Variants in LIPK observed in about 807,000 individuals in gnomAD.
The protein encoded by LIPK is lipase family member K, also known as lipase member K.
In LIPK, 32 loss-of-function variants were observed where a neutral mutation model predicts 48.6. That is an observed-to-expected ratio of 0.66 (90% CI 0.50 to 0.88). The LOEUF is 0.88. LIPK is among the 40% of genes least tolerant of loss of function. LIPK has a pLI of 0.00. For missense variants in LIPK, 507 were observed against 478.5 expected, an observed-to-expected ratio of 1.06 and a Z score of -0.56; for synonymous variants, 164 against 157.4, an observed-to-expected ratio of 1.04 and a Z score of -0.32.
intron 1 of LIPK, among the ~76,000 whole-genome samples, chr10:88,713,827 G>C (rs1021513590): frequency 1.3e-5 from 2 of 151,920 alleles, no homozygotes; most frequent in Non-Finnish European, 2.9e-5. Context: ...TGTAATCCCA[G>C]CTACTTGCAG....
At chr10:88,745,808 T>G (rs1160763710) in intron 9 of LIPK, among the ~76,000 whole-genome samples, 3 of 152,226 alleles carry the variant, frequency 2.0e-5, no homozygotes, top group African/African-American at 7.2e-5. Context: ...ACAGGCTAAA[T>G]GCCTCACTTA....
At chr10:88,746,400 A>T (rs1034213687) in intron 9 of LIPK, among the ~76,000 whole-genome samples, 7 of 86,268 alleles carry the variant, frequency 8.1e-5, no homozygotes, top group Non-Finnish European at 4.8e-5. Context: ...TCAACAAATT[A>T]AAAAAAAACT....
chr10:88,730,016 A>G (rs767406550), intron 3 of LIPK, among the ~76,000 whole-genome samples: 4 of 152,096 alleles, frequency 2.6e-5, no homozygotes, highest in Non-Finnish European at 5.9e-5. Context: ...GGATTTTTGT[A>G]TCATATTAAC....
At chr10:88,746,343 T>G (rs1234487695) in intron 9 of LIPK, among the ~76,000 whole-genome samples, 1 of 151,980 alleles carries the variant, frequency 6.6e-6, no homozygotes, top group Non-Finnish European at 1.5e-5. Flanking sequence ...CATGTGCACA[T>G]GGCATATACT....
At chr10:88,734,971 C>T (rs1168146042) in intron 6 of LIPK, among the ~76,000 whole-genome samples, 1 of 152,146 alleles carries the variant, frequency 6.6e-6, no homozygotes, top group Non-Finnish European at 1.5e-5. Flanking sequence ...CCTTTTTTCT[C>T]TCTCTGATTA....
chr10:88,722,510 A>G (rs1029910839), intron 1 of LIPK, among the ~76,000 whole-genome samples: 1 of 152,196 alleles, frequency 6.6e-6, no homozygotes, highest in African/African-American at 2.4e-5. Flanking sequence ...TTGCTGGGCC[A>G]AGCCCCCTCA....
chr10:88,735,467 C>T (rs1213408351), intron 6 of LIPK, among the ~76,000 whole-genome samples: 1 of 152,198 alleles, frequency 6.6e-6, no homozygotes, highest in Non-Finnish European at 1.5e-5. Flanking sequence ...AGAATTTGAA[C>T]CCAGATCTGA....
rs1276423814 is a variant in LIPK, at chr10:88,732,534, T to C, written c.652T>C (p.Ser218Pro). Residue 218 changes from serine (S) to proline (P), a missense_variant, in exon 6 of 10, where the codon TCC (serine) becomes CCC (proline). Ser to Pro is a moderately conservative substitution (Grantham distance 74, BLOSUM62 -1). Transcript: ENST00000404190. ...QSPMKKLTTL[S>P]RRVVKVLFGD... ...TCCTATGAAAAAACTAACAACCCTT[T>C]CCAGGCGAGTAGTTAAGGTATGTGA... 2 of 1,610,676 alleles carry C rather than the reference T, an allele frequency of 1.2e-6. No individual in the cohort carries two copies. Among genetic ancestry groups the C allele is most frequent in the Non-Finnish European group, 8.5e-7 (1 of 1,179,070 alleles).
chr10:88,749,118 A>G (rs1033778421), intron 9 of LIPK, among the ~76,000 whole-genome samples: 1 of 152,220 alleles, frequency 6.6e-6, no homozygotes, highest in Non-Finnish European at 1.5e-5. Context: ...CAAAGAAATC[A>G]GAGATGATAC....
At chr10:88,746,954 A>C (rs1191547218) in intron 9 of LIPK, among the ~76,000 whole-genome samples, 1 of 152,218 alleles carries the variant, frequency 6.6e-6, no homozygotes, top group African/African-American at 2.4e-5. Context: ...CCCCACAGAT[A>C]CATAATAATC....
intron 6 of LIPK, among the ~76,000 whole-genome samples, chr10:88,734,480 G>A (rs10887851): frequency 0.12 from 17,780 of 152,072 alleles, 1,281 homozygotes; most frequent in African/African-American, 0.21. Context: ...GGATTTGAGC[G>A]CCAAATTAAT....
intron 6 of LIPK, among the ~76,000 whole-genome samples, chr10:88,736,792 A>G (rs2053006): frequency 0.22 from 33,042 of 152,036 alleles, 3,744 homozygotes; most frequent in East Asian, 0.36. Flanking sequence ...TACGGAGTAA[A>G]GATCTTAAAG....
chr10:88,728,694 T>A, intron 3 of LIPK: 1 of 433,004 alleles, frequency 2.3e-6, no homozygotes, highest in South Asian at 1.8e-5. Flanking sequence ...GCAGAGCAGG[T>A]GTATGCATAG....
chr10:88,720,625 A>G (rs1232375288), intron 1 of LIPK, among the ~76,000 whole-genome samples: 1 of 152,180 alleles, frequency 6.6e-6, no homozygotes, highest in Admixed American at 6.5e-5. Context: ...GGCTCTCCAA[A>G]TAAGTGATGT....
chr10:88,728,255 G>T, intron 3 of LIPK: 1 of 189,870 alleles, frequency 5.3e-6, no homozygotes, highest in South Asian at 9.1e-5. Flanking sequence ...GCCGAGTCCT[G>T]GACATGGATG....
At chr10:88,748,458 A>T (rs983161219) in intron 9 of LIPK, among the ~76,000 whole-genome samples, 2 of 152,066 alleles carry the variant, frequency 1.3e-5, no homozygotes, top group African/African-American at 4.8e-5. Flanking sequence ...CTCTATTAAA[A>T]ATACAAAAAT....
At chr10:88,731,535 G>A (rs1012684607) in intron 4 of LIPK, among the ~76,000 whole-genome samples, 5 of 152,168 alleles carry the variant, frequency 3.3e-5, no homozygotes, top group Admixed American at 1.3e-4. Flanking sequence ...ACGCCTACCC[G>A]GTCACAGGAG....
intron 9 of LIPK, among the ~76,000 whole-genome samples, chr10:88,750,986 A>G (rs1590165402): frequency 6.6e-6 from 1 of 152,240 alleles, no homozygotes; most frequent in Non-Finnish European, 1.5e-5. Context: ...TTTAATAACT[A>G]AGACTGCCTA....
chr10:88,722,440 G>T (rs1433894417), intron 1 of LIPK, among the ~76,000 whole-genome samples: 1 of 152,196 alleles, frequency 6.6e-6, no homozygotes, highest in Non-Finnish European at 1.5e-5. Flanking sequence ...AACCAGTCTG[G>T]CTGTTTTTTA....
Sources: allele counts gnomAD v4.1 joint callset (sites outside exome capture counted in the v4.1 genomes callset), GRCh38; gene constraint gnomAD v4.1.1; transcripts MANE v1.5; gene names NCBI Gene and HGNC (gene_info 2026-07-23, HGNC 2026-07-21).